The following KCNH8 variants were observed in gnomAD, a reference collection of about 807,000 sequenced individuals.
The protein encoded by KCNH8 is potassium voltage-gated channel subfamily H member 8.
KCNH8 carries 70 observed loss-of-function variants against 103.6 expected under a neutral mutation model. The ratio of observed to expected loss-of-function variants is 0.68; its 90% CI spans 0.56 to 0.82. The LOEUF (loss-of-function observed/expected upper bound fraction) is 0.82. KCNH8 is among the 40% of genes least tolerant of loss of function. KCNH8 has a pLI of 0.00. For synonymous variants in KCNH8, 498 were observed against 489.4 expected (o/e 1.02, Z -0.23); for missense variants, 1,217 against 1,329.9 (o/e 0.92, Z 1.32).
chr3:19,484,611 T>A (rs2068165252), intron 11 of KCNH8, among the ~76,000 whole-genome samples: 2 of 152,142 alleles, frequency 1.3e-5, no homozygotes, highest in Admixed American at 1.3e-4. Context: ...ATGGCTGTTG[T>A]GGATCCAGGC....
intron 7 of KCNH8, among the ~76,000 whole-genome samples, chr3:19,408,046 C>G (rs926145990): frequency 6.6e-6 from 1 of 152,122 alleles, no homozygotes; most frequent in Non-Finnish European, 1.5e-5. Flanking sequence ...GTTCAGACCA[C>G]TGTGCATTCC....
At chr3:19,318,448 C>T (rs2065303607) in intron 3 of KCNH8, among the ~76,000 whole-genome samples, 1 of 151,592 alleles carries the variant, frequency 6.6e-6, no homozygotes, top group Non-Finnish European at 1.5e-5. Flanking sequence ...CCTCAAGTCC[C>T]CAAAGTCTAT....
chr3:19,405,573 C>T (rs2125143061), intron 7 of KCNH8, among the ~76,000 whole-genome samples: 1 of 151,960 alleles, frequency 6.6e-6, no homozygotes, highest in Non-Finnish European at 1.5e-5. Flanking sequence ...AAATCACTGA[C>T]AGGCATTATC....
At chr3:19,258,116 A>G (rs542526159) in intron 2 of KCNH8, among the ~76,000 whole-genome samples, 4 of 152,152 alleles carry the variant, frequency 2.6e-5, no homozygotes, top group South Asian at 2.1e-4. Flanking sequence ...TAAAGACCCT[A>G]TCTTCAAAAA....
At chr3:19,211,306 C>T (rs1170418024) in intron 1 of KCNH8, among the ~76,000 whole-genome samples, 2 of 151,976 alleles carry the variant, frequency 1.3e-5, no homozygotes, top group Non-Finnish European at 2.9e-5. Flanking sequence ...TTGCTAACAC[C>T]AAGTATTTTG....
At chr3:19,499,065 C>G (rs1025712941) in intron 11 of KCNH8, among the ~76,000 whole-genome samples, 24 of 152,042 alleles carry the variant, frequency 1.6e-4, no homozygotes, top group Non-Finnish European at 3.4e-4. Context: ...GAATGTATAA[C>G]TAGAATAACC....
chr3:19,519,013 T>C (rs1386330406), intron 15 of KCNH8, among the ~76,000 whole-genome samples: 1 of 151,956 alleles, frequency 6.6e-6, no homozygotes, highest in Non-Finnish European at 1.5e-5. Context: ...GATATGTTAG[T>C]GAGACAGTTA....
Position 19,437,114 on chromosome 3 carries a change from T to G in KCNH8, c.1178-1050T>G, listed in dbSNP as rs147847732. 5.3e-4 allele frequency among the ~76,000 whole-genome samples: 81 copies of G among 152,278 alleles called. No homozygotes were observed. In the East Asian group the frequency reaches 0.012, roughly 23 times the overall value. ...TATTACTGCTTAAGAGTGTAATGGT[T>G]TTTCATCTCTTCTTGAGCAGTCATT... On this transcript the variant is annotated intron_variant, in intron 7 of 15. Coordinates refer to ENST00000328405, the MANE Select transcript of KCNH8 (RefSeq NM_144633.3).
At chr3:19,360,910 A>G (rs1045364823) in intron 5 of KCNH8, among the ~76,000 whole-genome samples, 2 of 152,120 alleles carry the variant, frequency 1.3e-5, no homozygotes, top group African/African-American at 2.4e-5. Context: ...GTACAAGTGG[A>G]CATAGAATAA....
chr3:19,486,738 C>T (rs935760275), intron 11 of KCNH8, among the ~76,000 whole-genome samples: 4 of 152,134 alleles, frequency 2.6e-5, no homozygotes, highest in African/African-American at 7.2e-5. Context: ...TTTGTAGCCC[C>T]GTACAAAGGT....
intron 3 of KCNH8, 30 bp from the exon 4 acceptor site, chr3:19,342,555 ATG>A (rs758111029): frequency 1.9e-6 from 3 of 1,600,166 alleles, no homozygotes; most frequent in Non-Finnish European, 2.6e-6. Context: ...TGATGCATGC[ATG>A]TGTGTCTAAT....
At chr3:19,187,846 T>C (rs1377982289) in intron 1 of KCNH8, among the ~76,000 whole-genome samples, 2 of 152,086 alleles carry the variant, frequency 1.3e-5, no homozygotes, top group African/African-American at 4.8e-5. Context: ...TCAGCCCTCA[T>C]CTACTTGTTG....
At chr3:19,262,985 A>G (rs1047545151) in intron 2 of KCNH8, among the ~76,000 whole-genome samples, 67 of 152,180 alleles carry the variant, frequency 4.4e-4, no homozygotes, top group African/African-American at 1.6e-3. Context: ...ATATTTTTTT[A>G]TAAAGTTCTC....
intron 5 of KCNH8, among the ~76,000 whole-genome samples, chr3:19,378,626 G>T (rs1424329033): frequency 6.6e-6 from 1 of 152,204 alleles, no homozygotes; most frequent in Non-Finnish European, 1.5e-5. Flanking sequence ...ATAACAATAT[G>T]ACCACTGGAT....
At chr3:19,509,948 G>A (rs533045528) in intron 11 of KCNH8, among the ~76,000 whole-genome samples, 1 of 151,558 alleles carries the variant, frequency 6.6e-6, no homozygotes, top group African/African-American at 2.4e-5. Context: ...GAAAAATCGA[G>A]GAAGATGAGC....
Position 19,535,227 on chromosome 3 carries a change from C to A in KCNH8, c.*1128C>A, listed in dbSNP as rs1181660762. ...AGAGGTAGTAGACTAGTGGAAATCCCCAAATGGAGCCAAGACTTCTGAGCT... is the reference window on the plus strand; with the variant it reads ...AGAGGTAGTAGACTAGTGGAAATCCACAAATGGAGCCAAGACTTCTGAGCT... On this transcript the variant is annotated 3_prime_UTR_variant, in exon 16 of 16. Transcript: ENST00000328405. 1 of 152,166 alleles carries A rather than the reference C, an allele frequency of 6.6e-6. No individual in the cohort carries two copies. Among genetic ancestry groups the A allele is most frequent in the Non-Finnish European group, 1.5e-5 (1 of 68,034 alleles). The allele number at this position is 152,166 out of a possible 1,614,324, so 9.4% of individuals were successfully genotyped here.
chr3:19,379,939 A>C (rs1485060228), intron 5 of KCNH8, among the ~76,000 whole-genome samples: 1 of 152,232 alleles, frequency 6.6e-6, no homozygotes, highest in South Asian at 2.1e-4. Context: ...TCTATGTAAT[A>C]AAAGGTTATT....
At chr3:19,492,182 G>C (rs1233742894) in intron 11 of KCNH8, among the ~76,000 whole-genome samples, 1 of 152,048 alleles carries the variant, frequency 6.6e-6, no homozygotes, top group Non-Finnish European at 1.5e-5. Context: ...AGTTTAATTA[G>C]ATCGGACTTG....
chr3:19,234,196 C>T (rs998939485), intron 1 of KCNH8, among the ~76,000 whole-genome samples: 2 of 152,214 alleles, frequency 1.3e-5, no homozygotes, highest in Middle Eastern at 3.2e-3. Context: ...ACGTCCCTAC[C>T]AGACTCAGGA....
Sources: allele counts gnomAD v4.1 joint callset (sites outside exome capture counted in the v4.1 genomes callset), GRCh38; gene constraint gnomAD v4.1.1; transcripts MANE v1.5; gene names NCBI Gene and HGNC (gene_info 2026-07-23, HGNC 2026-07-21).